The following SRL variants were observed in gnomAD, a reference collection of about 807,000 sequenced individuals.
SRL encodes sarcalumenin.
A neutral mutation model predicts 39.5 loss-of-function variants in SRL; 23 were observed. That is an observed-to-expected ratio of 0.58 (90% CI 0.42 to 0.82). The LOEUF (loss-of-function observed/expected upper bound fraction) is 0.82, where lower values mean the gene tolerates loss of function less well. Among genes scored for constraint, SRL ranks in the 40% least tolerant of loss-of-function variants. SRL has a pLI of 0.00. For synonymous variants in SRL, 272 were observed against 237.4 expected, an observed-to-expected ratio of 1.15 and a Z score of -1.34; for missense variants, 592 against 607.8, an observed-to-expected ratio of 0.97 and a Z score of 0.27.
At chr16:4,209,282 A>G (rs1274089463) in intron 1 of SRL, among the ~76,000 whole-genome samples, 1 of 151,894 alleles carries the variant, frequency 6.6e-6, no homozygotes, top group East Asian at 1.9e-4. Context: ...CAAAAAAAAA[A>G]AGAAAAAAGA....
At chr16:4,222,305 A>T (rs2052539746) in intron 1 of SRL, among the ~76,000 whole-genome samples, 1 of 151,778 alleles carries the variant, frequency 6.6e-6, no homozygotes, top group African/African-American at 2.4e-5. Context: ...ACAGGGTCTC[A>T]CTCTTGTAAC....
chr16:4,223,666 A>G (rs548968639), intron 1 of SRL, among the ~76,000 whole-genome samples: 2 of 152,138 alleles, frequency 1.3e-5, no homozygotes, highest in African/African-American at 2.4e-5. Context: ...GATTACAGAA[A>G]GATGAGCCAC....
At position 4,222,888 on chromosome 16, in the gene SRL, G is replaced by T. The variant is rs572316534; in HGVS notation, c.62-18254C>A. The stretch of plus-strand genomic sequence containing the variant: ...GCAGATGGATCACCTGAGGTCAGGA[G>T]TTTGAGACCAGCCTGGCCAACATGG... On this transcript the variant is annotated intron_variant, in intron 1 of 5. Transcript: ENST00000399609. 3.2e-3 allele frequency among the ~76,000 whole-genome samples: 492 copies of T among 152,224 alleles called. 3 individuals carry two copies. Among genetic ancestry groups the T allele is most frequent in the Non-Finnish European group, 4.7e-3 (319 of 68,014 alleles).
At chr16:4,202,218 CCATCTATGTGCT>C (rs1424541114) in intron 3 of SRL, among the ~76,000 whole-genome samples, 1 of 152,208 alleles carries the variant, frequency 6.6e-6, no homozygotes, top group Non-Finnish European at 1.5e-5. Flanking sequence ...AAAACAACAT[CCATCTATGTGCT>C]CACACATGAA....
At chr16:4,241,419 CG>C (rs2052770909) in intron 1 of SRL, among the ~76,000 whole-genome samples, 2 of 152,060 alleles carry the variant, frequency 1.3e-5, no homozygotes, top group African/African-American at 2.4e-5. Flanking sequence ...TACTCCAGAA[CG>C]GGCCCCGTTC....
chr16:4,207,122 G>A lies in SRL; in HGVS notation c.62-2488C>T, dbSNP rs751572292. 24 of 456,418 alleles carry A rather than the reference G, an allele frequency of 5.3e-5. 1 individual carries two copies. The highest frequency in any genetic ancestry group is 2.8e-4 in the South Asian group (18 of 64,564). 28.3% of individuals were successfully genotyped at this position (456,418 alleles called of 1,614,324 possible). Reference sequence around the variant, plus strand: ...CCTCCTGGGGCTCCGTGGCCTCCTCGGAGGCGCCCTCTGCTTCTTCTGAGC... The same window carrying A: ...CCTCCTGGGGCTCCGTGGCCTCCTCAGAGGCGCCCTCTGCTTCTTCTGAGC... On this transcript the variant is annotated intron_variant, in intron 1 of 5. Transcript: ENST00000399609.
At chr16:4,229,617 T>C (rs1179373361) in intron 1 of SRL, among the ~76,000 whole-genome samples, 1 of 151,898 alleles carries the variant, frequency 6.6e-6, no homozygotes, top group Non-Finnish European at 1.5e-5. Context: ...CAATAGACAC[T>C]GTGGACTACT....
At position 4,241,987 on chromosome 16, in the gene SRL, C is replaced by T. The variant is rs771353552; in HGVS notation, c.61+20G>A. ...CGTGGGGGACCAGTCTGGGCTGGGTCATGCTGGGAGGGGCCCTACCTGCTT... is the reference window on the plus strand; with the variant it reads ...CGTGGGGGACCAGTCTGGGCTGGGTTATGCTGGGAGGGGCCCTACCTGCTT... On this transcript the variant is annotated intron_variant, in intron 1 of 5. Coordinates refer to ENST00000399609, the MANE Select transcript of SRL (RefSeq NM_001098814.2). 6.2e-6 allele frequency: 10 copies of T among 1,613,728 alleles called. No individual in the cohort carries two copies. In the South Asian group the frequency reaches 1.1e-4, roughly 18 times the overall value.
At chr16:4,214,611 G>C (rs374885817) in intron 1 of SRL, among the ~76,000 whole-genome samples, 1 of 152,044 alleles carries the variant, frequency 6.6e-6, no homozygotes, top group Non-Finnish European at 1.5e-5. Context: ...AGTTCATGCC[G>C]CAGAGCAGGC....
In SRL at chr16:4,189,877, T is replaced by C. The variant is rs193239705; in HGVS notation, c.*2276A>G. ...AGAAAAACAGATCTGCCAAAGCAGC[T>C]CACAGCATGGAGGAGCAGGCAGGGG... On this transcript the variant is annotated 3_prime_UTR_variant, in exon 6 of 6. Transcript: ENST00000399609. 7.1e-4 allele frequency: 121 copies of C among 170,966 alleles called. 2 individuals are homozygous for C. The highest frequency in any genetic ancestry group is 1.3e-3 in the Admixed American group (21 of 15,772). 10.6% of individuals were successfully genotyped at this position (170,966 alleles called of 1,614,324 possible).
chr16:4,195,727 T>A lies in SRL; in HGVS notation c.436A>T (p.Ile146Phe). ...TCAGCAGCCATGACGATGCCCTCGA[T>A]GGTTTTCAGCTTAGGCCCATGCATG... ...VLMHGPKLKT[I>F]EGIVMAADSA... Residue 146 changes from isoleucine (I) to phenylalanine (F), a missense_variant, in exon 5 of 6, where the codon ATC becomes TTC. Transcript: ENST00000399609. The A allele has an allele frequency of 6.2e-7, 1 of 1,614,020 alleles. No homozygotes were observed. The highest frequency in any genetic ancestry group is 8.5e-7 in the Non-Finnish European group (1 of 1,179,998).
intron 3 of SRL, among the ~76,000 whole-genome samples, chr16:4,198,359 G>T (rs192257145): frequency 5.1e-4 from 78 of 152,308 alleles, no homozygotes; most frequent in East Asian, 4.1e-3. Flanking sequence ...CCTGTCTCCA[G>T]CCTCTGCAGC....
In SRL at chr16:4,229,541, A is replaced by G. The variant is rs78260009; in HGVS notation, c.61+12466T>C. ...AATTAAGGCAGAAACAAAAAACCAG[A>G]GACTGCATATTCTCACTTATAAGTG... On this transcript the variant is annotated intron_variant, in intron 1 of 5. Coordinates refer to ENST00000399609, the MANE Select transcript of SRL (RefSeq NM_001098814.2). Among the ~76,000 whole-genome samples, 1,252 of 152,254 alleles carry G rather than the reference A, an allele frequency of 8.2e-3. 22 individuals are homozygous for G. Among genetic ancestry groups the G allele is most frequent in the African/African-American group, 0.029 (1,223 of 41,528 alleles).
At chr16:4,212,670 C>T (rs1054807871) in intron 1 of SRL, among the ~76,000 whole-genome samples, 1 of 152,176 alleles carries the variant, frequency 6.6e-6, no homozygotes, top group Non-Finnish European at 1.5e-5. Context: ...CCGGGACTGA[C>T]GTCAGGGCAC....
chr16:4,209,777 C>A (rs4786475), intron 1 of SRL, among the ~76,000 whole-genome samples: 29,727 of 152,122 alleles, frequency 0.2, 3,189 homozygotes, highest in Admixed American at 0.25. Context: ...GGCCATTTAA[C>A]CTTCTTTACG....
chr16:4,204,757 A>G, intron 1 of SRL, 123 bp from the exon 2 acceptor site: 2 of 749,028 alleles, frequency 2.7e-6, no homozygotes, highest in Non-Finnish European at 2.3e-6. Flanking sequence ...GCCAAGTTAC[A>G]CTGGACTGAG....
chr16:4,220,993 C>T (rs559197080), intron 1 of SRL, among the ~76,000 whole-genome samples: 85 of 151,592 alleles, frequency 5.6e-4, no homozygotes, highest in Admixed American at 1.5e-3. Context: ...TCAAAAAAAA[C>T]CCCACAAATA....
chr16:4,193,412 G>T (rs2052094530), intron 5 of SRL, among the ~76,000 whole-genome samples: 1 of 152,182 alleles, frequency 6.6e-6, no homozygotes, highest in Non-Finnish European at 1.5e-5. Context: ...TTGTCCTATT[G>T]TCTAAAAGGA....
intron 1 of SRL, among the ~76,000 whole-genome samples, chr16:4,228,423 G>A (rs968358914): frequency 6.6e-6 from 1 of 150,690 alleles, no homozygotes; most frequent in Non-Finnish European, 1.5e-5. Context: ...GCGACAGAGC[G>A]AGACTCCACC....
Sources: allele counts gnomAD v4.1 joint callset (sites outside exome capture counted in the v4.1 genomes callset), GRCh38; gene constraint gnomAD v4.1.1; transcripts MANE v1.5; gene names NCBI Gene and HGNC (gene_info 2026-07-23, HGNC 2026-07-21).